GPHN: variants seen among roughly 807,000 people sequenced by gnomAD.
The protein encoded by GPHN is gephyrin.
In GPHN, 17 loss-of-function variants were observed where a neutral mutation model predicts 95.5. The ratio of observed to expected loss-of-function variants is 0.18; its 90% confidence interval spans 0.12 to 0.27. The LOEUF is 0.27. Among genes scored for constraint, GPHN ranks in the 10% least tolerant of loss-of-function variants. GPHN has a pLI of 1.00. For missense variants in GPHN, 660 were observed against 978.1 expected (o/e 0.67, Z 4.34); for synonymous variants, 320 against 322.5 (o/e 0.99, Z 0.08).
At chr14:67,690,665 T>C in the GPHN span, 1 of 489,860 alleles carries the variant, frequency 2.0e-6, no homozygotes, top group African/African-American at 1.9e-5. Flanking sequence ...TCCCAGCTCA[T>C]TCCTACTTTG....
chr14:67,616,170 CA>C, the GPHN span: 186 of 227,406 alleles, frequency 8.2e-4, 2 homozygotes, highest in African/African-American at 4.1e-3. Context: ...CTTTTAAAGA[CA>C]AAAAAAATTT....
At chr14:67,525,079 A>G in the GPHN span, among the ~76,000 whole-genome samples, 1 of 152,204 alleles carries the variant, frequency 6.6e-6, no homozygotes, top group Non-Finnish European at 1.5e-5. Context: ...TAATAGCTTT[A>G]TTAGAAAAAT....
chr14:67,323,006 T>A, the GPHN span, among the ~76,000 whole-genome samples: 2 of 152,186 alleles, frequency 1.3e-5, no homozygotes, highest in Non-Finnish European at 2.9e-5. Context: ...GTCTGGCACA[T>A]AGTAAGGCAA....
intron 2 of GPHN, among the ~76,000 whole-genome samples, chr14:66,754,089 A>G (rs1294275585): frequency 6.6e-6 from 1 of 151,886 alleles, no homozygotes; most frequent in Non-Finnish European, 1.5e-5. Context: ...AGTTTATCAC[A>G]TTTTGTTTAT....
chr14:67,459,249 G>C, the GPHN span, among the ~76,000 whole-genome samples: 2 of 151,820 alleles, frequency 1.3e-5, no homozygotes, highest in Non-Finnish European at 2.9e-5. Flanking sequence ...GCCCAGGCTG[G>C]TCTTGAACCC....
At chr14:67,103,511 C>CTTTTTTTTTTTTTTTTTTTTTTTTTT in intron 13 of GPHN, among the ~76,000 whole-genome samples, 1 of 53,396 alleles carries the variant, frequency 1.9e-5, no homozygotes, top group Non-Finnish European at 3.4e-5. Flanking sequence ...GTTTCTTTCT[C>CTTTTTTTTTTTTTTTTTTTTTTTTTT]TTTTTTTTTT....
At chr14:67,415,083 A>G in the GPHN span, among the ~76,000 whole-genome samples, 1 of 152,374 alleles carries the variant, frequency 6.6e-6, no homozygotes, top group East Asian at 1.9e-4. Flanking sequence ...ACTGGAAAAG[A>G]CTTCAAAAAA....
chr14:66,593,552 T>G (rs147599465), intron 1 of GPHN, among the ~76,000 whole-genome samples: 2 of 152,116 alleles, frequency 1.3e-5, no homozygotes, highest in African/African-American at 2.4e-5. Flanking sequence ...GGGGAATCCA[T>G]GCCCAAGATC....
intron 8 of GPHN, among the ~76,000 whole-genome samples, chr14:66,963,116 A>G (rs533924468): frequency 1.2e-4 from 18 of 152,074 alleles, no homozygotes; most frequent in African/African-American, 1.9e-4. Context: ...ACACATTTGA[A>G]TGACTCAAAT....
the GPHN span, among the ~76,000 whole-genome samples, chr14:67,376,879 G>C: frequency 6.6e-6 from 1 of 152,120 alleles, no homozygotes; most frequent in Non-Finnish European, 1.5e-5. Context: ...ATAACCTCTT[G>C]TTTTCTCTAC....
intron 5 of GPHN, among the ~76,000 whole-genome samples, chr14:66,912,648 T>C (rs1360498599): frequency 1.3e-5 from 2 of 152,102 alleles, no homozygotes; most frequent in African/African-American, 4.8e-5. Context: ...TGCTTGGTAA[T>C]ATTAGTAATA....
At chr14:67,499,285 T>C in the GPHN span, among the ~76,000 whole-genome samples, 1 of 152,226 alleles carries the variant, frequency 6.6e-6, no homozygotes, top group Non-Finnish European at 1.5e-5. Flanking sequence ...ATTATAAGTA[T>C]GGGCCACTGT....
the GPHN span, chr14:67,387,311 G>A: frequency 6.3e-7 from 1 of 1,599,216 alleles, no homozygotes; most frequent in Non-Finnish European, 8.5e-7. Context: ...GAGGAATCCT[G>A]GTTCCCTCAG....
intron 2 of GPHN, among the ~76,000 whole-genome samples, chr14:66,768,575 C>T (rs1295617378): frequency 6.6e-6 from 1 of 151,888 alleles, no homozygotes; most frequent in Admixed American, 6.6e-5. Context: ...ATTAGGCATA[C>T]ATGACAATTA....
the GPHN span, among the ~76,000 whole-genome samples, chr14:67,430,900 C>A: frequency 5.8e-4 from 88 of 152,242 alleles, no homozygotes; most frequent in Non-Finnish European, 9.4e-4. Flanking sequence ...TCAAAGTGTG[C>A]AGGGCTGGGG....
chr14:67,473,130 T>C, the GPHN span: 2 of 429,074 alleles, frequency 4.7e-6, no homozygotes, highest in South Asian at 2.5e-5. This position sits in a 1 kb window ranked among gnomAD's most constrained non-coding sequence, Gnocchi z 6.5. Context: ...GTCAACTACA[T>C]AGTCCATCGC....
At chr14:67,599,916 A>T in the GPHN span, 1 of 860,434 alleles carries the variant, frequency 1.2e-6, no homozygotes, top group East Asian at 2.8e-5. Context: ...CTGTCCTATC[A>T]CTGTAGGAGG....
chr14:66,968,575 G>C (rs1042524758), intron 9 of GPHN, among the ~76,000 whole-genome samples: 1 of 151,952 alleles, frequency 6.6e-6, no homozygotes, highest in African/African-American at 2.4e-5. Flanking sequence ...TTGAATGATC[G>C]GTACTAGAAA....
chr14:66,571,191 T>C (rs1595022973), intron 1 of GPHN, among the ~76,000 whole-genome samples: 1 of 152,108 alleles, frequency 6.6e-6, no homozygotes, highest in Non-Finnish European at 1.5e-5. Context: ...AAGACCTTCT[T>C]CACGTGGCAG....
Sources: gnomAD v4.1 joint callset for allele counts (sites outside exome capture counted in the v4.1 genomes callset) on GRCh38, gnomAD v4.1.1 for gene constraint, Gnocchi (gnomAD v3.1) non-coding constraint, MANE v1.5 for transcripts, NCBI Gene and HGNC (gene_info 2026-07-23, HGNC 2026-07-21) for gene names.